VRK1: variants seen among roughly 807,000 people sequenced by gnomAD.
VRK1 encodes the protein serine/threonine-protein kinase VRK1.
A neutral mutation model predicts 57.1 loss-of-function variants in VRK1; 33 were observed. The observed-to-expected ratio is 0.58, with a 90% CI of 0.44 to 0.77. The LOEUF is 0.77. VRK1 is among the 30% of genes least tolerant of loss of function. VRK1 has a pLI of 0.00. For missense variants in VRK1, 413 were observed against 477.3 expected (o/e 0.87, Z 1.25); for synonymous variants, 137 against 147.8 (o/e 0.93, Z 0.53).
At chr14:96,864,032 C>A (rs1019077017) in intron 11 of VRK1, among the ~76,000 whole-genome samples, 1 of 152,134 alleles carries the variant, frequency 6.6e-6, no homozygotes, top group Non-Finnish European at 1.5e-5. Context: ...TAGCCTGATA[C>A]GGTAATAAAG....
At chr14:96,857,004 T>C (rs1482727155) in intron 10 of VRK1, among the ~76,000 whole-genome samples, 2 of 152,182 alleles carry the variant, frequency 1.3e-5, no homozygotes, top group Non-Finnish European at 2.9e-5. Context: ...GTTAAATGAA[T>C]ACTTGAGCCT....
At chr14:96,805,767 G>A (rs1453161337) in intron 1 of VRK1, among the ~76,000 whole-genome samples, 1 of 152,106 alleles carries the variant, frequency 6.6e-6, no homozygotes, top group African/African-American at 2.4e-5. Context: ...CAGTGTAAGA[G>A]GTTACCATTG....
intron 1 of VRK1, among the ~76,000 whole-genome samples, chr14:96,815,678 G>GT (rs1395509042): frequency 1.3e-5 from 2 of 151,604 alleles, no homozygotes; most frequent in South Asian, 2.1e-4. Flanking sequence ...GAGCTCAGGA[G>GT]TTTGAGACCA....
At chr14:96,839,589 T>A (rs10149107) in intron 3 of VRK1, among the ~76,000 whole-genome samples, 95,014 of 152,014 alleles carry the variant, frequency 0.63, 30,556 homozygotes, top group African/African-American at 0.69. Flanking sequence ...CACGTGCTTG[T>A]TGCCTAATGA....
At chr14:96,855,658 G>GT (rs1056575437) in intron 8 of VRK1, among the ~76,000 whole-genome samples, 1 of 152,050 alleles carries the variant, frequency 6.6e-6, no homozygotes, top group Admixed American at 6.5e-5. Context: ...TTGTTTTTGT[G>GT]TTTTTTCTCA....
chr14:96,844,131 C>T (rs1339398500), intron 3 of VRK1, among the ~76,000 whole-genome samples: 2 of 152,106 alleles, frequency 1.3e-5, no homozygotes, highest in African/African-American at 4.8e-5. Context: ...TTTTGAATTT[C>T]TTTTTCTTAA....
chr14:96,808,004 T>TCTCTCC (rs1271741583), intron 1 of VRK1, among the ~76,000 whole-genome samples: 3 of 118,812 alleles, frequency 2.5e-5, no homozygotes, highest in African/African-American at 1.1e-4. Flanking sequence ...CCTCTCTCCC[T>TCTCTCC]CTCTCTCTCC....
intron 3 of VRK1, among the ~76,000 whole-genome samples, chr14:96,840,916 T>G (rs1272463002): frequency 6.6e-6 from 1 of 151,690 alleles, no homozygotes; most frequent in African/African-American, 2.4e-5. Flanking sequence ...AGTGCATTGG[T>G]GCAATTATAG....
intron 1 of VRK1, among the ~76,000 whole-genome samples, chr14:96,828,749 T>G (rs1886895474): frequency 6.6e-6 from 1 of 152,166 alleles, no homozygotes; most frequent in African/African-American, 2.4e-5. Flanking sequence ...CAGCTGTATT[T>G]AAGTCTTTTG....
At chr14:96,816,948 T>A (rs1886416709) in intron 1 of VRK1, among the ~76,000 whole-genome samples, 1 of 152,224 alleles carries the variant, frequency 6.6e-6, no homozygotes, top group Non-Finnish European at 1.5e-5. Flanking sequence ...ACTGTTAATT[T>A]TGTTAGGTGT....
At chr14:96,879,273 T>C (rs1889161074) in intron 12 of VRK1, among the ~76,000 whole-genome samples, 1 of 152,092 alleles carries the variant, frequency 6.6e-6, no homozygotes, top group Non-Finnish European at 1.5e-5. Context: ...AATTGATTAT[T>C]AGGGAAAATA....
intron 1 of VRK1, among the ~76,000 whole-genome samples, chr14:96,810,013 T>C (rs1886108982): frequency 6.6e-6 from 1 of 152,230 alleles, no homozygotes; most frequent in African/African-American, 2.4e-5. Flanking sequence ...TACAAAAAAT[T>C]AATCACTAGT....
intron 12 of VRK1, 25 bp downstream of exon 12, chr14:96,876,145 T>C (rs780489172): frequency 5.2e-5 from 84 of 1,610,002 alleles, no homozygotes; most frequent in Non-Finnish European, 6.6e-5. Context: ...TTTGCCTAGC[T>C]GCTTTCATAG....
chr14:96,860,996 A>T, intron 11 of VRK1: 2 of 296,236 alleles, frequency 6.8e-6, no homozygotes, highest in South Asian at 1.0e-4. Flanking sequence ...GGAAATTTTG[A>T]TGGTGCACTG....
At position 96,852,819 on chromosome 14, in the gene VRK1, A is replaced by G. The variant is rs772961519; in HGVS notation, c.375-12A>G. On this transcript the variant is annotated splice_polypyrimidine_tract_variant and intron_variant, in intron 5 of 12. Transcript: ENST00000216639. Reference sequence around the variant, plus strand: ...TGTATTTTGTTCATTGGCTTTTCATATTTGTCTTCAGTTACAGGTTTATGA... The same window carrying G: ...TGTATTTTGTTCATTGGCTTTTCATGTTTGTCTTCAGTTACAGGTTTATGA... 1 of 1,609,170 alleles carries G rather than the reference A, an allele frequency of 6.2e-7. No individual in the cohort carries two copies. The highest frequency in any genetic ancestry group is 1.3e-5 in the African/African-American group (1 of 74,930).
chr14:96,850,666 C>T (rs957415828), intron 5 of VRK1, among the ~76,000 whole-genome samples: 2 of 152,168 alleles, frequency 1.3e-5, no homozygotes, highest in African/African-American at 4.8e-5. Context: ...GTTTTAGCCA[C>T]CTTTCAGGCT....
chr14:96,798,351 G>T (rs1885524642), intron 1 of VRK1, among the ~76,000 whole-genome samples: 1 of 152,140 alleles, frequency 6.6e-6, no homozygotes. Context: ...ACAGACAGCA[G>T]CAGAGTCAGA....
intron 5 of VRK1, among the ~76,000 whole-genome samples, chr14:96,848,199 G>T (rs534823323): frequency 1.3e-5 from 2 of 152,200 alleles, no homozygotes; most frequent in South Asian, 4.2e-4. Flanking sequence ...TCTCCATTGT[G>T]TGGTCGCCAG....
chr14:96,822,678 T>C (rs1003789956), intron 1 of VRK1, among the ~76,000 whole-genome samples: 1 of 152,222 alleles, frequency 6.6e-6, no homozygotes, highest in African/African-American at 2.4e-5. Context: ...TGGTGAGAAT[T>C]AAGTCAGCAG....
Sources: allele counts gnomAD v4.1 joint callset (sites outside exome capture counted in the v4.1 genomes callset), GRCh38; gene constraint gnomAD v4.1.1; transcripts MANE v1.5; gene names NCBI Gene and HGNC (gene_info 2026-07-23, HGNC 2026-07-21).